HOXA3: variants seen among roughly 807,000 people sequenced by gnomAD.
HOXA3 encodes homeobox protein Hox-A3.
In HOXA3, 8 loss-of-function variants were observed where a neutral mutation model predicts 30.3. The ratio of observed to expected loss-of-function variants is 0.26; its 90% CI spans 0.15 to 0.48. The LOEUF is 0.48. Among genes scored for constraint, HOXA3 ranks in the 20% least tolerant of loss-of-function variants. The pLI is 0.99. For synonymous variants in HOXA3, 323 were observed against 273.1 expected, an observed-to-expected ratio of 1.18 and a Z score of -1.80; for missense variants, 653 against 614.4, an observed-to-expected ratio of 1.06 and a Z score of -0.66.
chr7:27,147,581 A>T (rs1417242504), intron 1 of HOXA3: 1 of 1,614,226 alleles, frequency 6.2e-7, no homozygotes, highest in Admixed American at 1.7e-5. Flanking sequence ...TGTTGGTAGA[A>T]ACAAGGTGAG....
rs1784326811 is a variant in HOXA3 at position 27,110,778 on chromosome 7, G to A, written c.-120-18C>T. On this transcript the variant is annotated intron_variant, in intron 4 of 5. Coordinates refer to ENST00000612286, the MANE Select transcript of HOXA3 (RefSeq NM_153631.3). ...GCGCAGACCTGGTGGGGCGAGAAGC[G>A]CAGCGCGGTGAGGGCTCCGCGCAAA... 5.2e-6 allele frequency: 7 copies of A among 1,349,804 alleles called. No individual in the cohort carries two copies. In the South Asian group the frequency reaches 9.2e-5, roughly 18 times the overall value. 83.6% of individuals were successfully genotyped at this position (1,349,804 alleles called of 1,614,324 possible). A position where few individuals can be genotyped will look rare whatever the true frequency, so the allele number is the denominator to read the frequency against.
At position 27,147,797 on chromosome 7, in the gene HOXA3, T is replaced by C. The variant is rs772235901; in HGVS notation, c.-494+4491A>G. ...GTGATTTGTTGTGTATTAGTACATC[T>C]GGCTATAACTATTAGTAGTCATCGA... is the stretch of plus-strand genomic sequence containing the variant. On this transcript the variant is annotated intron_variant, in intron 1 of 5. Transcript: ENST00000612286. 11 of 1,500,204 alleles carry C rather than the reference T, an allele frequency of 7.3e-6. No homozygotes were observed. In the African/African-American group the frequency reaches 1.5e-4, roughly 21 times the overall value. The allele number at this position is 1,500,204 out of a possible 1,614,324, so 92.9% of individuals were successfully genotyped here. A position where few individuals can be genotyped will look rare whatever the true frequency, so the allele number is the denominator to read the frequency against.
At chr7:27,131,023 T>C (rs989815664) in intron 2 of HOXA3, among the ~76,000 whole-genome samples, 4 of 152,038 alleles carry the variant, frequency 2.6e-5, no homozygotes, top group South Asian at 2.1e-4. Context: ...GGGTGCGTGA[T>C]GGATGCTGCT....
chr7:27,107,819 G>T lies in HOXA3; in HGVS notation c.*96C>A. The T allele has an allele frequency of 1.2e-6, 1 of 823,984 alleles. No individual in the cohort carries two copies. Among genetic ancestry groups the T allele is most frequent in the Non-Finnish European group, 1.8e-6 (1 of 549,638 alleles). 51.0% of individuals were successfully genotyped at this position (823,984 alleles called of 1,614,324 possible). ...AAGAGAGAAAAGGAAGGAAGGAAAGGGCAGGAAGAACCTAAAAAAAAAAAA... is the reference window on the plus strand; with the variant it reads ...AAGAGAGAAAAGGAAGGAAGGAAAGTGCAGGAAGAACCTAAAAAAAAAAAA... On this transcript the variant is annotated 3_prime_UTR_variant, in exon 6 of 6. Coordinates refer to ENST00000612286, the MANE Select transcript of HOXA3 (RefSeq NM_153631.3).
intron 1 of HOXA3, chr7:27,145,894 G>A (rs761372561): frequency 5.0e-6 from 8 of 1,613,032 alleles, no homozygotes; most frequent in Non-Finnish European, 5.9e-6. Flanking sequence ...CGGCCTCGGC[G>A]CCCATGGCTC....
At chr7:27,124,488 C>A (rs1357567381) in intron 3 of HOXA3, 1 of 152,196 alleles carries the variant, frequency 6.6e-6, no homozygotes, top group Non-Finnish European at 1.5e-5. Context: ...CGGAAAAGGC[C>A]CCAAGATCTG....
intron 4 of HOXA3, among the ~76,000 whole-genome samples, chr7:27,119,106 TA>T (rs1376272225): frequency 2.1e-5 from 3 of 143,854 alleles, no homozygotes; most frequent in Non-Finnish European, 4.6e-5. Context: ...TTTCTAAACA[TA>T]AAAAATATCA....
chr7:27,136,725 C>A (rs920974980), intron 2 of HOXA3, among the ~76,000 whole-genome samples: 1 of 152,242 alleles, frequency 6.6e-6, no homozygotes, highest in Non-Finnish European at 1.5e-5. Context: ...TATCTAATAA[C>A]CTTCATAACA....
chr7:27,147,042 C>T, intron 1 of HOXA3: 1 of 534,532 alleles, frequency 1.9e-6, no homozygotes, highest in Admixed American at 3.4e-5. Context: ...CTGTCCCTGT[C>T]ACAGGTCTCA....
chr7:27,125,866 G>T (rs1785259249), intron 3 of HOXA3, among the ~76,000 whole-genome samples: 1 of 152,200 alleles, frequency 6.6e-6, no homozygotes, highest in Non-Finnish European at 1.5e-5. Flanking sequence ...GCAGAGTTTG[G>T]AAGCTTAGGG....
Position 27,108,862 on chromosome 7 carries a change from C to T in HOXA3, c.527-142G>A. 1.6e-6 allele frequency: 1 copy of T among 623,834 alleles called. No homozygotes were observed. Among genetic ancestry groups the T allele is most frequent in the Non-Finnish European group, 2.8e-6 (1 of 359,792 alleles). 38.6% of individuals were successfully genotyped at this position (623,834 alleles called of 1,614,324 possible). A position where few individuals can be genotyped will look rare whatever the true frequency, so the allele number is the denominator to read the frequency against. ...CCCAGAGAGAAGTAGGAACTAGGTGCTATCCTCTCTCCTGGTGGGTAAAAC... is the reference window on the plus strand; with the variant it reads ...CCCAGAGAGAAGTAGGAACTAGGTGTTATCCTCTCTCCTGGTGGGTAAAAC... On this transcript the variant is annotated intron_variant, in intron 5 of 5. Transcript: ENST00000612286. This position sits in a 1 kb window ranked among gnomAD's most constrained non-coding sequence, Gnocchi z 5.0.
intron 3 of HOXA3, chr7:27,123,816 A>G (rs1176845990): frequency 6.6e-6 from 1 of 152,312 alleles, no homozygotes; most frequent in African/African-American, 2.4e-5. Flanking sequence ...GCGCTCTGCC[A>G]CAGTTCGACC....
Position 27,114,817 on chromosome 7 carries a change from A to ATATATATATAATATATAT in HOXA3, c.-120-4075_-120-4058dup, listed in dbSNP as rs565689920. Among the ~76,000 whole-genome samples, 145 of 22,470 alleles carry ATATATATATAATATATAT rather than the reference A, an allele frequency of 6.5e-3. 2 individuals are homozygous for ATATATATATAATATATAT. Among genetic ancestry groups the ATATATATATAATATATAT allele is most frequent in the African/African-American group, 0.011 (118 of 10,876 alleles). 14.7% of individuals were successfully genotyped at this position (22,470 alleles called of 152,430 possible). ...TCTCAAACGGATTCCTAAAACATACATATATATATAATATATATTATATAT... is the reference window on the plus strand; with the variant it reads ...TCTCAAACGGATTCCTAAAACATACATATATATATAATATATATTATATATATAATATATATTATATAT... On this transcript the variant is annotated intron_variant, in intron 4 of 5. Transcript: ENST00000612286.
intron 1 of HOXA3, chr7:27,142,113 C>T (rs779522709): frequency 6.2e-7 from 1 of 1,602,760 alleles, no homozygotes; most frequent in South Asian, 1.1e-5. Context: ...GCGGTTTAGC[C>T]ACCAACTCCT....
At chr7:27,133,355 C>T (rs1446492811) in intron 2 of HOXA3, among the ~76,000 whole-genome samples, 2 of 152,150 alleles carry the variant, frequency 1.3e-5, no homozygotes, top group African/African-American at 4.8e-5. Context: ...CAAAGTAAAG[C>T]CAGGAAGAAA....
At chr7:27,116,387 T>A (rs890591002) in intron 4 of HOXA3, 2 of 152,598 alleles carry the variant, frequency 1.3e-5, no homozygotes, top group Non-Finnish European at 2.9e-5. Context: ...AATCACAGAA[T>A]AGAGAGGAAA....
chr7:27,139,734 G>A (rs1782467125), intron 2 of HOXA3, among the ~76,000 whole-genome samples: 1 of 152,144 alleles, frequency 6.6e-6, no homozygotes, highest in Admixed American at 6.5e-5. Context: ...GCAATTGCGC[G>A]GGGGACTGGG....
chr7:27,128,456 AT>A (rs1289891661), intron 2 of HOXA3: 1 of 152,294 alleles, frequency 6.6e-6, no homozygotes, highest in Non-Finnish European at 1.5e-5. Context: ...AAGGTCAAGT[AT>A]CTCAATCCAG....
At chr7:27,109,905 C>T in intron 5 of HOXA3, 1 of 612,702 alleles carries the variant, frequency 1.6e-6, no homozygotes, top group Non-Finnish European at 2.9e-6. Context: ...AGAGGGACTC[C>T]CAGCAGGTCT....
Sources: allele counts gnomAD v4.1 joint callset (sites outside exome capture counted in the v4.1 genomes callset), GRCh38; gene constraint gnomAD v4.1.1; non-coding constraint Gnocchi (gnomAD v3.1); transcripts MANE v1.5; gene names NCBI Gene and HGNC (gene_info 2026-07-23, HGNC 2026-07-21).